The following TOM1L2 variants were observed in gnomAD, a reference collection of about 807,000 sequenced individuals.
TOM1L2 encodes target of myb1 like 2 membrane trafficking protein.
A neutral mutation model predicts 67.9 loss-of-function variants in TOM1L2; 31 were observed. That is an observed-to-expected ratio of 0.46 (90% CI 0.34 to 0.62). The LOEUF is 0.62. Ranked by LOEUF, TOM1L2 falls within the 20% of genes least tolerant of loss-of-function variation. The pLI is 0.01. For missense variants in TOM1L2, 606 were observed against 663.5 expected, an observed-to-expected ratio of 0.91 and a Z score of 0.95; for synonymous variants, 256 against 254.0, an observed-to-expected ratio of 1.01 and a Z score of -0.07.
chr17:17,895,151 G>A (rs1291063438), intron 3 of TOM1L2, among the ~76,000 whole-genome samples: 2 of 152,022 alleles, frequency 1.3e-5, no homozygotes, highest in Non-Finnish European at 2.9e-5. Context: ...CTTGGAATTC[G>A]GAGGTGCCAA....
At chr17:17,904,904 A>T (rs1433391712) in intron 2 of TOM1L2, among the ~76,000 whole-genome samples, 6 of 152,174 alleles carry the variant, frequency 3.9e-5, no homozygotes, top group Admixed American at 6.5e-5. Flanking sequence ...GGCATCAGGG[A>T]CAGGCCTTGG....
intron 1 of TOM1L2, among the ~76,000 whole-genome samples, chr17:17,970,199 C>A (rs867622439): frequency 6.6e-6 from 1 of 151,936 alleles, no homozygotes; most frequent in Non-Finnish European, 1.5e-5. Context: ...GGACTACAGG[C>A]GCATGCCACC....
At chr17:17,970,622 C>G (rs1321983291) in intron 1 of TOM1L2, among the ~76,000 whole-genome samples, 2 of 152,066 alleles carry the variant, frequency 1.3e-5, no homozygotes, top group African/African-American at 4.8e-5. Flanking sequence ...CAGCAAGAGA[C>G]AAGATGTCAA....
At chr17:17,888,485 G>A (rs73299892) in intron 4 of TOM1L2, among the ~76,000 whole-genome samples, 2,345 of 152,300 alleles carry the variant, frequency 0.015, 69 homozygotes, top group African/African-American at 0.053. Context: ...ATAGAAGGGA[G>A]CTTCTGTCAG....
At chr17:17,945,286 A>T (rs541220622) in intron 1 of TOM1L2, among the ~76,000 whole-genome samples, 3,640 of 148,762 alleles carry the variant, frequency 0.024, 49 homozygotes, top group Middle Eastern at 0.062. Flanking sequence ...ACACACACAC[A>T]CACACTCTCT....
At chr17:17,946,556 T>C (rs2144846670) in intron 1 of TOM1L2, among the ~76,000 whole-genome samples, 1 of 152,316 alleles carries the variant, frequency 6.6e-6, no homozygotes, top group East Asian at 1.9e-4. Flanking sequence ...TTCTTTCCCA[T>C]CTCGATTCTG....
intron 7 of TOM1L2, among the ~76,000 whole-genome samples, chr17:17,878,619 T>C (rs1406152790): frequency 6.6e-6 from 1 of 152,200 alleles, no homozygotes; most frequent in African/African-American, 2.4e-5. Context: ...GGTGTAGCAC[T>C]TGGGGACCAA....
chr17:17,850,937 G>A lies in TOM1L2; in HGVS notation c.1294C>T (p.Pro432Ser), dbSNP rs775992105. The stretch of plus-strand genomic sequence containing the variant: ...ACCTCAATGTCGTCCATGACAGATG[G>A]CTGCGCAACGGGGATCTATGGAGGC... ...QSSEGIPVAQ[P>S]SVMDDIEVWL... Residue 432 changes from proline (P) to serine (S), a missense_variant, in exon 13 of 15, where the codon CCA (proline) becomes TCA (serine). Pro to Ser is a moderately conservative substitution (Grantham distance 74). Coordinates refer to ENST00000379504, the MANE Select transcript of TOM1L2 (RefSeq NM_001082968.2). 3.1e-6 allele frequency: 5 copies of A among 1,613,972 alleles called. No individual in the cohort carries two copies. Among genetic ancestry groups the A allele is most frequent in the South Asian group, 1.1e-5 (1 of 91,090 alleles).
chr17:17,964,084 C>T (rs1203412277), intron 1 of TOM1L2, among the ~76,000 whole-genome samples: 1 of 152,218 alleles, frequency 6.6e-6, no homozygotes, highest in African/African-American at 2.4e-5. Context: ...TGATGGGCAT[C>T]AGGCTTGATG....
intron 7 of TOM1L2, 51 bp from the exon 8 acceptor site, chr17:17,869,524 C>T (rs1178448872): frequency 1.9e-6 from 3 of 1,545,400 alleles, no homozygotes; most frequent in Non-Finnish European, 2.6e-6. Context: ...CTTTTCGTCA[C>T]ATTCTATCTC....
intron 7 of TOM1L2, chr17:17,872,173 T>C (rs2143887591): frequency 2.8e-6 from 1 of 355,650 alleles, no homozygotes; most frequent in South Asian, 1.1e-4. Flanking sequence ...CATTACAGAA[T>C]GAAGCATACT....
chr17:17,852,318 G>A (rs2036021253), intron 12 of TOM1L2, among the ~76,000 whole-genome samples: 1 of 152,204 alleles, frequency 6.6e-6, no homozygotes, highest in Admixed American at 6.5e-5. Flanking sequence ...TGCTGCTGAT[G>A]GTGGGGGAGG....
At chr17:17,852,204 T>C (rs967927654) in intron 12 of TOM1L2, among the ~76,000 whole-genome samples, 9 of 152,138 alleles carry the variant, frequency 5.9e-5, no homozygotes, top group African/African-American at 2.2e-4. Flanking sequence ...CATACCCCAG[T>C]GTCTATCAAA....
chr17:17,850,843 G>T, intron 13 of TOM1L2, 50 bp downstream of exon 13: 5 of 1,598,162 alleles, frequency 3.1e-6, no homozygotes, highest in Non-Finnish European at 4.3e-6. Flanking sequence ...CCTCAGAAGA[G>T]CCTCTGCCGC....
At chr17:17,898,548 C>G in intron 3 of TOM1L2, 48 bp downstream of exon 3, 1 of 1,599,514 alleles carries the variant, frequency 6.3e-7, no homozygotes, top group Non-Finnish European at 8.6e-7. Flanking sequence ...AGGCCAGGAG[C>G]AAGGAGTTCC....
chr17:17,888,904 G>C (rs2038128622), intron 4 of TOM1L2, among the ~76,000 whole-genome samples: 1 of 152,228 alleles, frequency 6.6e-6, no homozygotes, highest in African/African-American at 2.4e-5. Context: ...CACCAGCCAA[G>C]GCATGAGGTG....
chr17:17,848,194 G>A (rs867451872), intron 14 of TOM1L2, among the ~76,000 whole-genome samples: 5 of 152,314 alleles, frequency 3.3e-5, no homozygotes, highest in Non-Finnish European at 5.9e-5. Context: ...GAATGCAGTG[G>A]GGAGGGGGGA....
intron 2 of TOM1L2, 48 bp downstream of exon 2, chr17:17,907,399 G>A: frequency 6.4e-7 from 1 of 1,563,220 alleles, no homozygotes. Context: ...GCTTTGAGTG[G>A]CCCCTAAAAG....
chr17:17,864,376 A>G (rs2036726826), intron 10 of TOM1L2, among the ~76,000 whole-genome samples: 2 of 145,366 alleles, frequency 1.4e-5, no homozygotes. Flanking sequence ...ACGCCTGGCT[A>G]ATTTTTTGTA....
Sources: gnomAD v4.1 joint callset for allele counts (sites outside exome capture counted in the v4.1 genomes callset) on GRCh38, gnomAD v4.1.1 for gene constraint, MANE v1.5 for transcripts, NCBI Gene and HGNC (gene_info 2026-07-23, HGNC 2026-07-21) for gene names.